The following POLA1 variants were observed in gnomAD, a reference collection of about 807,000 sequenced individuals.
POLA1 encodes the protein DNA polymerase alpha 1, catalytic subunit.
In POLA1, 15 loss-of-function variants were observed where a neutral mutation model predicts 124.0. The observed-to-expected ratio is 0.12, with a 90% CI of 0.08 to 0.19. POLA1 has a LOEUF of 0.19. POLA1 is among the 10% of genes least tolerant of loss of function. POLA1 has a pLI of 1.00. For missense variants in POLA1, 886 were observed against 1,103.4 expected (o/e 0.80, Z 2.79); for synonymous variants, 408 against 389.4 (o/e 1.05, Z -0.56).
chrX:24,909,927 A>G (rs2047423705), intron 35 of POLA1, among the ~76,000 whole-genome samples: 1 of 110,335 alleles, frequency 9.1e-6, no homozygotes, highest in South Asian at 3.9e-4. Context: ...AGTGGTTTGT[A>G]GTTCTCCTTG....
chrX:24,954,992 C>G (rs766388864), intron 36 of POLA1, among the ~76,000 whole-genome samples: 2 of 111,800 alleles, frequency 1.8e-5, no homozygotes, highest in Non-Finnish European at 3.8e-5. Context: ...TGAGCTTGCT[C>G]TTTTTTCCTT....
intron 26 of POLA1, among the ~76,000 whole-genome samples, chrX:24,770,204 A>G (rs1178347848): frequency 2.7e-5 from 3 of 111,855 alleles, no homozygotes; most frequent in African/African-American, 9.7e-5. Flanking sequence ...CAGGTACAGT[A>G]TTGAATCCTG....
chrX:24,813,973 C>T (rs1292716924), intron 29 of POLA1, among the ~76,000 whole-genome samples: 1 of 111,898 alleles, frequency 8.9e-6, no homozygotes, highest in East Asian at 2.8e-4. Flanking sequence ...GTTTTCTAGT[C>T]TTCCTCTTGC....
In POLA1 at chrX:24,930,161, G is replaced by A. The variant is rs11573485; in HGVS notation, c.4165-292G>A. ...CAGTGCAAATTGTCATGAGTGCATA[G>A]GAATTTGCAGTTTGACAAAATCAGG... On this transcript the variant is annotated intron_variant, in intron 35 of 36. Coordinates refer to ENST00000379068, the MANE Select transcript of POLA1 (RefSeq NM_001330360.2). 5.9e-4 allele frequency among the ~76,000 whole-genome samples: 66 copies of A among 112,498 alleles called. No homozygotes were observed. In the East Asian group the frequency reaches 0.017, roughly 29 times the overall value.
At chrX:24,836,476 T>C (rs1268144498) in intron 32 of POLA1, among the ~76,000 whole-genome samples, 1 of 112,343 alleles carries the variant, frequency 8.9e-6, no homozygotes, top group Non-Finnish European at 1.9e-5. Context: ...CACTTCCTAC[T>C]AGCAGTGTTT....
chrX:24,956,750 C>T (rs1490919904), intron 36 of POLA1, among the ~76,000 whole-genome samples: 1 of 111,720 alleles, frequency 9.0e-6, no homozygotes, highest in Admixed American at 9.5e-5. Flanking sequence ...TCTCTTTTAC[C>T]TTTGCTTAAT....
chrX:24,950,147 G>A (rs968817352), intron 36 of POLA1, among the ~76,000 whole-genome samples: 3 of 112,099 alleles, frequency 2.7e-5, no homozygotes, highest in Non-Finnish European at 3.8e-5. Context: ...GCAAGTTTTG[G>A]TGGACACCAT....
intron 32 of POLA1, among the ~76,000 whole-genome samples, chrX:24,828,398 A>G (rs1460098946): frequency 8.9e-6 from 1 of 111,875 alleles, no homozygotes; most frequent in Admixed American, 9.5e-5. Flanking sequence ...CTGTGATTCC[A>G]AAGGTTGTGA....
At chrX:24,743,449 CT>C (rs748310517) in intron 23 of POLA1, 120 bp downstream of exon 23, 80 of 359,503 alleles carry the variant, frequency 2.2e-4, no homozygotes, top group Non-Finnish European at 4.9e-6. Context: ...GGTCTCATGA[CT>C]TTTATCTTTC....
intron 35 of POLA1, among the ~76,000 whole-genome samples, chrX:24,914,997 G>T (rs963348596): frequency 1.8e-5 from 2 of 111,899 alleles, no homozygotes; most frequent in African/African-American, 6.5e-5. Context: ...AGTTCCTTTT[G>T]TTCTCCTGGT....
intron 4 of POLA1, among the ~76,000 whole-genome samples, chrX:24,709,526 G>A (rs1389275150): frequency 1.8e-5 from 2 of 109,094 alleles, no homozygotes; most frequent in African/African-American, 6.5e-5. Flanking sequence ...GGTGGCTGCC[G>A]GGCGGAGACG....
chrX:24,763,642 A>T (rs1209579871), intron 26 of POLA1, among the ~76,000 whole-genome samples: 1 of 110,977 alleles, frequency 9.0e-6, no homozygotes, highest in Non-Finnish European at 1.9e-5. Flanking sequence ...TAGACCGTGA[A>T]AGAGCAGCCA....
rs1366232466 is a variant in POLA1, at chrX:24,995,821, A to G, written c.4278A>G (p.Gln1426=). 1.9e-5 allele frequency: 23 copies of G among 1,206,875 alleles called. No individual in the cohort carries two copies. Among genetic ancestry groups the G allele is most frequent in the Non-Finnish European group, 2.5e-5 (22 of 892,310 alleles). Residue 1426 remains glutamine (Q), a synonymous_variant, in exon 37 of 37, where the codon CAA becomes CAG. Coordinates refer to ENST00000379068, the MANE Select transcript of POLA1 (RefSeq NM_001330360.2). ...TCTTTTTAGATAAATTGAAGAAGCA[A>G]TTTTTTACCCCCAAAGTTCTGCAGG... ...TDHEKDKLKK[Q]FFTPKVLQDY...
rs1477264316 is a variant in POLA1 at position 24,797,630 on chromosome X, AGAGTT to A, written c.2965-12267_2965-12263del. ...TATGACCTACGTCTAGCACATGAGA[AGAGTT>A]TAGTAAATACTGTTGGTGTTTGAAT... On this transcript the variant is annotated intron_variant, in intron 26 of 36. Transcript: ENST00000379068. Among the ~76,000 whole-genome samples the A allele has an allele frequency of 6.2e-5, 7 of 112,412 alleles. No individual in the cohort carries two copies. The East Asian group carries it at 1.9e-3, about 31-fold the overall frequency.
Position 24,716,987 on chromosome X carries a change from G to C in POLA1, c.706+16G>C. ...GAATTTGCTGGTAAGTGTGATGTCAGGCAGAATTGCAAGAGTGTTGAGTGG... is the reference window on the plus strand; with the variant it reads ...GAATTTGCTGGTAAGTGTGATGTCACGCAGAATTGCAAGAGTGTTGAGTGG... On this transcript the variant is annotated intron_variant, in intron 8 of 36. Transcript: ENST00000379068. The C allele has an allele frequency of 9.5e-7, 1 of 1,054,021 alleles. No individual in the cohort carries two copies. The highest frequency in any genetic ancestry group is 1.3e-6 in the Non-Finnish European group (1 of 756,559). 86.9% of individuals were successfully genotyped at this position (1,054,021 alleles called of 1,213,427 possible).
chrX:24,972,439 A>G (rs2048315360), intron 36 of POLA1, among the ~76,000 whole-genome samples: 1 of 111,824 alleles, frequency 8.9e-6, no homozygotes, highest in Non-Finnish European at 1.9e-5. Flanking sequence ...TGTTTGGACC[A>G]CCACCATACC....
At chrX:24,933,640 T>C (rs1160151058) in intron 36 of POLA1, among the ~76,000 whole-genome samples, 2 of 112,497 alleles carry the variant, frequency 1.8e-5, no homozygotes, top group East Asian at 5.6e-4. Context: ...TGTTTTACCA[T>C]TTCCATCATA....
chrX:24,717,433 G>A lies in POLA1; in HGVS notation c.850G>A (p.Glu284Lys). 8.3e-7 allele frequency: 1 copy of A among 1,211,624 alleles called. No homozygotes were observed. Among genetic ancestry groups the A allele is most frequent in the Non-Finnish European group, 1.1e-6 (1 of 895,381 alleles). ...MAAKAWDKES[E>K]PAEEVKQEAD... Reference sequence around the variant, plus strand: ...TGCCAAGGCTTGGGACAAAGAGAGTGAGCCAGCAGAGGAAGTGAAACAAGA... The same window carrying A: ...TGCCAAGGCTTGGGACAAAGAGAGTAAGCCAGCAGAGGAAGTGAAACAAGA... Residue 284 changes from glutamate (E) to lysine (K), a missense_variant, in exon 9 of 37, where the codon GAG (glutamate) becomes AAG (lysine). By Grantham distance (56) the Glu-to-Lys change is moderately conservative. This residue lies in a region of POLA1 where 337 missense variants were observed against 402.8 expected (regional missense o/e 0.84). Coordinates refer to ENST00000379068, the MANE Select transcript of POLA1 (RefSeq NM_001330360.2).
chrX:24,951,651 T>C (rs763684564), intron 36 of POLA1, among the ~76,000 whole-genome samples: 3 of 111,474 alleles, frequency 2.7e-5, no homozygotes, highest in Middle Eastern at 4.6e-3. Context: ...AAAATGTATT[T>C]CTGTGTCCCT....
Sources: allele counts gnomAD v4.1 joint callset (sites outside exome capture counted in the v4.1 genomes callset), GRCh38; gene constraint gnomAD v4.1.1; regional missense constraint gnomAD v4.1.1; transcripts MANE v1.5; gene names NCBI Gene and HGNC (gene_info 2026-07-23, HGNC 2026-07-21).